PRKG1: variants seen among roughly 807,000 people sequenced by gnomAD.
The protein encoded by PRKG1 is protein kinase cGMP-dependent 1.
A neutral mutation model predicts 88.1 loss-of-function variants in PRKG1; 35 were observed. The observed-to-expected ratio is 0.40, with a 90% CI of 0.30 to 0.53. PRKG1 has a LOEUF of 0.53. Among genes scored for constraint, PRKG1 ranks in the 20% least tolerant of loss-of-function variants. PRKG1 has a pLI of 0.59. For synonymous variants in PRKG1, 303 were observed against 292.5 expected, an observed-to-expected ratio of 1.04 and a Z score of -0.37; for missense variants, 540 against 839.8, an observed-to-expected ratio of 0.64 and a Z score of 4.41.
intron 2 of PRKG1, among the ~76,000 whole-genome samples, chr10:51,415,614 T>G (rs892686398): frequency 6.6e-6 from 1 of 152,114 alleles, no homozygotes; most frequent in Non-Finnish European, 1.5e-5. Context: ...GGATTATTGA[T>G]CACAATTTAT....
chr10:51,038,420 T>C (rs1262176520), intron 1 of PRKG1, among the ~76,000 whole-genome samples: 1 of 152,236 alleles, frequency 6.6e-6, no homozygotes, highest in Non-Finnish European at 1.5e-5. Context: ...CTAAATCTTA[T>C]TCATTGTATC....
intron 5 of PRKG1, among the ~76,000 whole-genome samples, chr10:51,947,507 T>C (rs542741680): frequency 5.5e-4 from 79 of 144,114 alleles, no homozygotes; most frequent in Non-Finnish European, 1.1e-3. Flanking sequence ...CCTAGTGAGA[T>C]GAACCCGGTA....
chr10:51,637,338 G>T (rs149021917), intron 3 of PRKG1, among the ~76,000 whole-genome samples: 242 of 152,278 alleles, frequency 1.6e-3, no homozygotes, highest in African/African-American at 5.6e-3. Flanking sequence ...AATTAGTTCA[G>T]CCATTGTGGA....
chr10:51,925,268 C>T (rs1030120572), intron 5 of PRKG1, among the ~76,000 whole-genome samples: 1 of 151,736 alleles, frequency 6.6e-6, no homozygotes, highest in Non-Finnish European at 1.5e-5. Flanking sequence ...GTGTCAGGGG[C>T]TAAAATTCCC....
chr10:52,154,775 G>C (rs1440983489), intron 8 of PRKG1, among the ~76,000 whole-genome samples: 3 of 152,030 alleles, frequency 2.0e-5, no homozygotes, highest in African/African-American at 7.2e-5. Flanking sequence ...CCAGTACGTA[G>C]TCTTTTATCT....
chr10:51,224,763 A>C (rs1838644467), intron 2 of PRKG1, among the ~76,000 whole-genome samples: 1 of 152,206 alleles, frequency 6.6e-6, no homozygotes, highest in Non-Finnish European at 1.5e-5. Context: ...CTCTTAAGTA[A>C]AATCCAAGCC....
chr10:51,397,065 C>A (rs1032150722), intron 2 of PRKG1, among the ~76,000 whole-genome samples: 1 of 151,276 alleles, frequency 6.6e-6, no homozygotes, highest in African/African-American at 2.4e-5. Context: ...GCCCATGAAT[C>A]GGAGTTGCTG....
At chr10:51,167,815 G>C (rs1846590821) in intron 2 of PRKG1, among the ~76,000 whole-genome samples, 1 of 152,246 alleles carries the variant, frequency 6.6e-6, no homozygotes, top group South Asian at 2.1e-4. Context: ...ATCTTTGAGA[G>C]TACAAGACAA....
At chr10:51,488,857 C>T (rs1840621798) in intron 3 of PRKG1, among the ~76,000 whole-genome samples, 1 of 152,114 alleles carries the variant, frequency 6.6e-6, no homozygotes, top group African/African-American at 2.4e-5. Flanking sequence ...TACTATTCAT[C>T]CGTTTCAGGT....
intron 3 of PRKG1, among the ~76,000 whole-genome samples, chr10:51,787,044 A>G (rs1418847784): frequency 6.6e-6 from 1 of 152,174 alleles, no homozygotes; most frequent in African/African-American, 2.4e-5. Flanking sequence ...GGTTAAAATT[A>G]TGTGATATGA....
intron 2 of PRKG1, among the ~76,000 whole-genome samples, chr10:51,372,790 A>G (rs1238755431): frequency 6.6e-6 from 1 of 152,146 alleles, no homozygotes; most frequent in Admixed American, 6.6e-5. Flanking sequence ...AGATAATCAC[A>G]TGATTTTTCT....
At chr10:51,430,716 G>A (rs1438240437) in intron 2 of PRKG1, among the ~76,000 whole-genome samples, 1 of 152,152 alleles carries the variant, frequency 6.6e-6, no homozygotes, top group Non-Finnish European at 1.5e-5. Context: ...CAACTAGTAA[G>A]TGGAAAAACA....
intron 1 of PRKG1, among the ~76,000 whole-genome samples, chr10:51,020,822 A>C (rs944556572): frequency 6.6e-6 from 1 of 152,230 alleles, no homozygotes; most frequent in African/African-American, 2.4e-5. Flanking sequence ...AAAGAAATGG[A>C]GTAGGGAAAG....
chr10:51,334,926 A>G lies in PRKG1; in HGVS notation c.479-132797A>G, dbSNP rs182152251. ...AGATGTTTGCCTTTTCTATTAAGGG[A>G]AAAACAGGAGGACGTGTTTAAAACA... On this transcript the variant is annotated intron_variant, in intron 2 of 17. Transcript: ENST00000373980. 7.9e-5 allele frequency among the ~76,000 whole-genome samples: 12 copies of G among 152,166 alleles called. No homozygotes were observed. The East Asian group carries it at 2.3e-3, about 29-fold the overall frequency.
At chr10:52,156,551 A>G (rs1165776378) in intron 8 of PRKG1, among the ~76,000 whole-genome samples, 1 of 151,784 alleles carries the variant, frequency 6.6e-6, no homozygotes, top group African/African-American at 2.4e-5. Flanking sequence ...ATGGATGGAT[A>G]ACTGGGAAAA....
chr10:52,152,336 C>T (rs1053868360), intron 8 of PRKG1, among the ~76,000 whole-genome samples: 1 of 152,040 alleles, frequency 6.6e-6, no homozygotes, highest in African/African-American at 2.4e-5. Flanking sequence ...TGCCTGATCT[C>T]ATGAAATGTA....
At chr10:51,628,168 ATTTCT>A (rs1429263548) in intron 3 of PRKG1, among the ~76,000 whole-genome samples, 4 of 37,444 alleles carry the variant, frequency 1.1e-4, no homozygotes, top group African/African-American at 2.1e-4. Flanking sequence ...TTCTTTATTT[ATTTCT>A]TTTCTTTCTT....
intron 2 of PRKG1, among the ~76,000 whole-genome samples, chr10:51,212,402 A>G (rs1281318440): frequency 6.6e-6 from 1 of 152,234 alleles, no homozygotes; most frequent in Non-Finnish European, 1.5e-5. Flanking sequence ...GGACATAAGC[A>G]TGGGCAAGGA....
At chr10:52,197,276 A>G (rs1223446895) in intron 9 of PRKG1, among the ~76,000 whole-genome samples, 1 of 152,172 alleles carries the variant, frequency 6.6e-6, no homozygotes, top group African/African-American at 2.4e-5. Flanking sequence ...CCACCCCAGC[A>G]TGAGAAATGA....
Sources: gnomAD v4.1 joint callset for allele counts (sites outside exome capture counted in the v4.1 genomes callset) on GRCh38, gnomAD v4.1.1 for gene constraint, MANE v1.5 for transcripts, NCBI Gene and HGNC (gene_info 2026-07-23, HGNC 2026-07-21) for gene names.